Variants in GLIS3 observed in about 807,000 individuals in gnomAD.
GLIS3 encodes the protein GLIS family zinc finger 3, also known as zinc finger protein GLIS3.
Under a neutral mutation model 78.6 loss-of-function variants are expected in GLIS3, and 53 were observed. The observed-to-expected ratio is 0.67, with a 90% CI of 0.54 to 0.85. The LOEUF is 0.85. GLIS3 is among the 40% of genes least tolerant of loss of function. GLIS3 has a pLI of 0.00. For synonymous variants in GLIS3, 684 were observed against 509.9 expected (o/e 1.34, Z -4.60); for missense variants, 1,703 against 1,231.1 (o/e 1.38, Z -5.74).
At chr9:4,415,451 T>C in the GLIS3 span, among the ~76,000 whole-genome samples, 1 of 152,254 alleles carries the variant, frequency 6.6e-6, no homozygotes, top group African/African-American at 2.4e-5. Context: ...TTCTGGCTTC[T>C]AAACAGATGG....
the GLIS3 span, among the ~76,000 whole-genome samples, chr9:4,474,648 TA>T: frequency 6.6e-6 from 1 of 151,252 alleles, no homozygotes; most frequent in Admixed American, 6.6e-5. Context: ...AGCAAATATT[TA>T]TTTTTTTTAT....
intron 2 of GLIS3, among the ~76,000 whole-genome samples, chr9:4,267,212 G>C (rs1164332929): frequency 6.6e-6 from 1 of 152,090 alleles, no homozygotes; most frequent in Non-Finnish European, 1.5e-5. Flanking sequence ...ATCTTCTAAA[G>C]TGGGAGTGTT....
chr9:4,186,686 C>T (rs866033147), intron 2 of GLIS3, among the ~76,000 whole-genome samples: 1 of 151,640 alleles, frequency 6.6e-6, no homozygotes, highest in Non-Finnish European at 1.5e-5. Flanking sequence ...TTAATGATTG[C>T]CATTCTAACT....
chr9:4,131,367 A>G (rs1023453052), intron 2 of GLIS3, among the ~76,000 whole-genome samples: 2 of 152,152 alleles, frequency 1.3e-5, no homozygotes, highest in African/African-American at 2.4e-5. Context: ...GTGATATAAT[A>G]TGCTTTGGAT....
At chr9:4,253,565 G>C (rs770998140) in intron 2 of GLIS3, among the ~76,000 whole-genome samples, 1 of 152,238 alleles carries the variant, frequency 6.6e-6, no homozygotes, top group African/African-American at 2.4e-5. Flanking sequence ...GGGATCCGCT[G>C]AGCTAGACCA....
At chr9:3,910,919 T>G (rs1039640683) in intron 6 of GLIS3, among the ~76,000 whole-genome samples, 3 of 152,170 alleles carry the variant, frequency 2.0e-5, no homozygotes, top group African/African-American at 7.2e-5. Context: ...TTAATTACTC[T>G]CAATACAGAA....
intron 9 of GLIS3, among the ~76,000 whole-genome samples, chr9:3,829,948 T>C (rs1316200794): frequency 6.6e-6 from 1 of 152,228 alleles, no homozygotes; most frequent in Non-Finnish European, 1.5e-5. Context: ...TGCATCCATC[T>C]ATCTGTCTTT....
intron 9 of GLIS3, among the ~76,000 whole-genome samples, chr9:3,846,955 A>C: frequency 6.6e-6 from 1 of 152,226 alleles, no homozygotes; most frequent in Middle Eastern, 3.4e-3. Flanking sequence ...AGGCTAAGGC[A>C]GGGGGGTCAC....
chr9:4,288,050 C>A (rs755911137), intron 1 of GLIS3, among the ~76,000 whole-genome samples: 1 of 152,008 alleles, frequency 6.6e-6, no homozygotes, highest in Non-Finnish European at 1.5e-5. Context: ...CTGCCCTCTT[C>A]TCCCATGAGT....
chr9:3,965,687 C>T (rs920364749), intron 4 of GLIS3, among the ~76,000 whole-genome samples: 5 of 152,154 alleles, frequency 3.3e-5, no homozygotes, highest in Admixed American at 2.0e-4. Context: ...GCTTCCAAAC[C>T]CCGCTATGTT....
chr9:4,368,568 G>A, the GLIS3 span, among the ~76,000 whole-genome samples: 2 of 152,138 alleles, frequency 1.3e-5, no homozygotes, highest in African/African-American at 4.8e-5. Flanking sequence ...AGCCAGGATG[G>A]TCTCCATCTC....
intron 4 of GLIS3, among the ~76,000 whole-genome samples, chr9:3,998,932 C>G (rs1045427797): frequency 6.6e-6 from 1 of 151,884 alleles, no homozygotes; most frequent in African/African-American, 2.4e-5. Context: ...GCTTATCTAT[C>G]CTGTACTTCT....
the GLIS3 span, among the ~76,000 whole-genome samples, chr9:4,411,350 TA>T: frequency 2.8e-4 from 43 of 152,268 alleles, no homozygotes; most frequent in African/African-American, 8.9e-4. Context: ...CTCCCAACTG[TA>T]AAAAGAAATA....
At chr9:4,285,996 A>T in intron 2 of GLIS3, 42 bp downstream of exon 2, 1 of 1,613,016 alleles carries the variant, frequency 6.2e-7, no homozygotes. Context: ...GGGAGAAAAA[A>T]ATCGTTTCCA....
Position 4,286,383 on chromosome 9 carries a change from C to G in GLIS3, c.43G>C (p.Gly15Arg), listed in dbSNP as rs750241757. Reference protein sequence around the residue: ...SCSMSLHRTSGTPQGPRMVSG... With the variant: ...SCSMSLHRTSRTPQGPRMVSG... The stretch of plus-strand genomic sequence containing the variant: ...ACCATCCTAGGCCCCTGTGGGGTTC[C>G]CGATGTCCGGTGGAGACTCATGCTG... Residue 15 changes from glycine (G) to arginine (R), a missense_variant, in exon 2 of 11, where the codon GGA (glycine) becomes CGA (arginine). By Grantham distance (125) the Gly-to-Arg change is moderately radical (BLOSUM62 -2). Transcript: ENST00000381971. The G allele has an allele frequency of 8.1e-6, 13 of 1,614,042 alleles. No homozygotes were observed. The highest frequency in any genetic ancestry group is 1.0e-5 in the Non-Finnish European group (12 of 1,180,030).
chr9:4,039,818 C>G, intron 4 of GLIS3, among the ~76,000 whole-genome samples: 1 of 152,316 alleles, frequency 6.6e-6, no homozygotes, highest in Non-Finnish European at 1.5e-5. Flanking sequence ...TGGTCAAGTA[C>G]TACAGGAGTT....
chr9:4,004,158 C>T (rs1821348072), intron 4 of GLIS3, among the ~76,000 whole-genome samples: 1 of 151,898 alleles, frequency 6.6e-6, no homozygotes. Flanking sequence ...TTAAAGGTTA[C>T]GAAAAGGGAA....
intron 4 of GLIS3, among the ~76,000 whole-genome samples, chr9:3,993,793 C>G (rs958593341): frequency 2.0e-5 from 3 of 152,190 alleles, no homozygotes; most frequent in African/African-American, 7.2e-5. Context: ...TGCTAGATTA[C>G]TATTGGCCTA....
intron 2 of GLIS3, among the ~76,000 whole-genome samples, chr9:4,185,242 A>T (rs1817680522): frequency 6.6e-6 from 1 of 152,236 alleles, no homozygotes; most frequent in African/African-American, 2.4e-5. Context: ...TTCACTTAGC[A>T]TAATTTTTCT....
Sources: allele counts gnomAD v4.1 joint callset (sites outside exome capture counted in the v4.1 genomes callset), GRCh38; gene constraint gnomAD v4.1.1; transcripts MANE v1.5; gene names NCBI Gene and HGNC (gene_info 2026-07-23, HGNC 2026-07-21).